Variants in PPFIA2 observed in about 807,000 individuals in gnomAD.
PPFIA2 encodes PPFI scaffold protein A2.
Under a neutral mutation model 175.5 loss-of-function variants are expected in PPFIA2, and 46 were observed. The ratio of observed to expected loss-of-function variants is 0.26; its 90% CI spans 0.21 to 0.34. PPFIA2 has a LOEUF of 0.34. Ranked by LOEUF, PPFIA2 falls within the 10% of genes least tolerant of loss-of-function variation. PPFIA2 has a pLI of 1.00. For missense variants in PPFIA2, 1,179 were observed against 1,506.1 expected (o/e 0.78, Z 3.60); for synonymous variants, 568 against 511.4 (o/e 1.11, Z -1.49).
At chr12:81,393,860 A>C (rs932714315) in intron 8 of PPFIA2, among the ~76,000 whole-genome samples, 2 of 152,044 alleles carry the variant, frequency 1.3e-5, no homozygotes, top group Non-Finnish European at 2.9e-5. Context: ...TAAAACTTGG[A>C]GAATGGAAAA....
intron 4 of PPFIA2, among the ~76,000 whole-genome samples, chr12:81,478,308 C>T (rs1372811199): frequency 6.6e-6 from 1 of 151,860 alleles, no homozygotes; most frequent in Non-Finnish European, 1.5e-5. Context: ...CTCTTTTCTT[C>T]TTTATTAGTC....
chr12:81,543,529 ATCTTACAAAGGTT>A (rs2153348713), intron 4 of PPFIA2, among the ~76,000 whole-genome samples: 1 of 152,278 alleles, frequency 6.6e-6, no homozygotes, highest in South Asian at 2.1e-4. Flanking sequence ...GAATATAGAA[ATCTTACAAAGGTT>A]TGCAGAATTC....
At chr12:81,586,695 T>A (rs1337273258) in intron 4 of PPFIA2, among the ~76,000 whole-genome samples, 2 of 151,816 alleles carry the variant, frequency 1.3e-5, no homozygotes, top group African/African-American at 4.8e-5. Flanking sequence ...TCTGAAAATT[T>A]ATATTATATA....
At chr12:81,735,289 A>G (rs2081428659) in intron 3 of PPFIA2, among the ~76,000 whole-genome samples, 1 of 151,744 alleles carries the variant, frequency 6.6e-6, no homozygotes, top group African/African-American at 2.4e-5. Context: ...TTATCTTTTG[A>G]TTATAAAAAT....
chr12:81,433,081 A>T (rs944179022), intron 7 of PPFIA2, among the ~76,000 whole-genome samples: 1 of 151,962 alleles, frequency 6.6e-6, no homozygotes, highest in African/African-American at 2.4e-5. Context: ...CTCATTTCAG[A>T]AAGCATAAAA....
chr12:81,366,948 CTATG>C (rs1223929785), intron 14 of PPFIA2, among the ~76,000 whole-genome samples, 156 bp downstream of exon 14: 2 of 151,570 alleles, frequency 1.3e-5, no homozygotes, highest in Admixed American at 1.3e-4. Context: ...CTCTTCCTCT[CTATG>C]TACGCTTTTC....
intron 16 of PPFIA2, among the ~76,000 whole-genome samples, chr12:81,355,979 G>A (rs777501917): frequency 3.3e-5 from 5 of 152,088 alleles, no homozygotes; most frequent in Non-Finnish European, 5.9e-5. Context: ...TTCCTTTGTA[G>A]TCACAACTTG....
chr12:81,687,590 A>G (rs2074607182), intron 3 of PPFIA2: 1 of 152,060 alleles, frequency 6.6e-6, no homozygotes, highest in Non-Finnish European at 1.5e-5. Flanking sequence ...TCAAGCCTGC[A>G]AAATGTAAGA....
chr12:81,328,886 T>A (rs1461956816), intron 21 of PPFIA2, among the ~76,000 whole-genome samples: 3 of 149,432 alleles, frequency 2.0e-5, no homozygotes, highest in African/African-American at 7.4e-5. Context: ...CCATCAGAGC[T>A]CACTGCAGCC....
chr12:81,457,926 C>G (rs2053863177), intron 4 of PPFIA2, 60 bp from the exon 5 acceptor site: 1 of 1,153,096 alleles, frequency 8.7e-7, no homozygotes, highest in Admixed American at 2.6e-5. Context: ...GAAAAAAATT[C>G]AAAATATAAA....
At chr12:81,474,225 C>G (rs527956525) in intron 4 of PPFIA2, among the ~76,000 whole-genome samples, 1 of 152,156 alleles carries the variant, frequency 6.6e-6, no homozygotes, top group Admixed American at 6.5e-5. Flanking sequence ...GGTGCTCTCT[C>G]GGCTCACTGC....
intron 16 of PPFIA2, among the ~76,000 whole-genome samples, 181 bp downstream of exon 16, chr12:81,357,901 C>T (rs1449425902): frequency 6.6e-6 from 1 of 152,090 alleles, no homozygotes; most frequent in Admixed American, 6.5e-5. Context: ...AATGCTTATT[C>T]AACTTTGGGC....
intron 7 of PPFIA2, among the ~76,000 whole-genome samples, chr12:81,425,448 G>A (rs763978400): frequency 3.3e-5 from 5 of 152,118 alleles, no homozygotes; most frequent in Non-Finnish European, 5.9e-5. Context: ...AGGTTCAAGC[G>A]ATTCTCCTGC....
intron 3 of PPFIA2, among the ~76,000 whole-genome samples, chr12:81,703,096 TTC>T (rs2076687130): frequency 6.6e-6 from 1 of 152,036 alleles, no homozygotes; most frequent in South Asian, 2.1e-4. Context: ...CACAGACCTC[TTC>T]TCTTTTTTCT....
chr12:81,347,850 TC>T, intron 17 of PPFIA2, 80 bp from the exon 18 acceptor site: 1 of 1,528,134 alleles, frequency 6.5e-7, no homozygotes, highest in Non-Finnish European at 8.7e-7. Flanking sequence ...TCATTGGAAT[TC>T]ACATAATAAA....
chr12:81,376,067 CT>C (rs1264107129), intron 9 of PPFIA2, 125 bp from the exon 10 acceptor site: 1 of 858,762 alleles, frequency 1.2e-6, no homozygotes, highest in African/African-American at 1.7e-5. Flanking sequence ...TCATTCCTTT[CT>C]TTTCATTGAA....
intron 22 of PPFIA2, among the ~76,000 whole-genome samples, chr12:81,303,448 T>G (rs1257340323): frequency 2.0e-5 from 3 of 152,176 alleles, no homozygotes; most frequent in African/African-American, 7.2e-5. Context: ...GTGTTATCAC[T>G]TGGGTCAAAA....
intron 7 of PPFIA2, among the ~76,000 whole-genome samples, chr12:81,413,174 T>C (rs2044306584): frequency 6.6e-6 from 1 of 151,782 alleles, no homozygotes; most frequent in South Asian, 2.1e-4. Flanking sequence ...TTCTGATTCA[T>C]TACTTATTCT....
At chr12:81,420,238 A>T (rs546592681) in intron 7 of PPFIA2, among the ~76,000 whole-genome samples, 68 of 152,250 alleles carry the variant, frequency 4.5e-4, no homozygotes, top group African/African-American at 1.6e-3. Context: ...AACTCCTTCA[A>T]ATGTGCAGAC....
Sources: allele counts gnomAD v4.1 joint callset (sites outside exome capture counted in the v4.1 genomes callset), GRCh38; gene constraint gnomAD v4.1.1; transcripts MANE v1.5; gene names NCBI Gene and HGNC (gene_info 2026-07-23, HGNC 2026-07-21).